Variants in VAV2 observed in about 807,000 individuals in gnomAD.
VAV2 encodes the protein vav guanine nucleotide exchange factor 2, also known as guanine nucleotide exchange factor VAV2.
In VAV2, 67 loss-of-function variants were observed where a neutral mutation model predicts 132.5. The observed-to-expected ratio is 0.51, with a 90% CI of 0.42 to 0.62. The LOEUF (loss-of-function observed/expected upper bound fraction) is 0.62. VAV2 is among the 20% of genes least tolerant of loss of function. The probability of loss-of-function intolerance (pLI) is 0.00; values close to 1 mark genes in which losing one functional copy is unlikely to be tolerated. For missense variants in VAV2, 938 were observed against 1,153.6 expected, an observed-to-expected ratio of 0.81 and a Z score of 2.71; for synonymous variants, 492 against 443.5, an observed-to-expected ratio of 1.11 and a Z score of -1.37.
In VAV2 at chr9:133,834,783, A is replaced by C. The variant is rs1170691275; in HGVS notation, c.381-443T>G. Among the ~76,000 whole-genome samples the C allele has an allele frequency of 6.6e-6, 1 of 152,222 alleles. No individual in the cohort carries two copies. The highest frequency in any genetic ancestry group is 1.5e-5 in the Non-Finnish European group (1 of 68,026). ...GCTCAGTCCACGCAGGAGAGGAAGC[A>C]GGAGGGGACTCCGGAAGGGAGGGGT... On this transcript the variant is annotated intron_variant, in intron 3 of 29. Coordinates refer to ENST00000371850, the MANE Select transcript of VAV2 (RefSeq NM_001134398.2). The surrounding 1 kb of genome is among the most constrained non-coding windows in gnomAD (Gnocchi z 5.9).
chr9:133,800,157 G>A (rs576010860), intron 9 of VAV2, among the ~76,000 whole-genome samples: 4 of 152,224 alleles, frequency 2.6e-5, no homozygotes, highest in Non-Finnish European at 5.9e-5. Context: ...TCCTAGGGCT[G>A]CACTGCTCTG....
intron 3 of VAV2, among the ~76,000 whole-genome samples, chr9:133,849,282 T>G (rs189288176): frequency 6.0e-4 from 91 of 152,288 alleles, no homozygotes; most frequent in Non-Finnish European, 8.7e-4. Context: ...CCCTCATCCC[T>G]GCTACCTGGA....
In VAV2 at chr9:133,768,732, G is replaced by T; in HGVS notation, c.2435-136C>A. 2 of 1,188,506 alleles carry T rather than the reference G, an allele frequency of 1.7e-6. No homozygotes were observed. Among genetic ancestry groups the T allele is most frequent in the Non-Finnish European group, 2.3e-6 (2 of 871,038 alleles). The allele number at this position is 1,188,506 out of a possible 1,614,324, so 73.6% of individuals were successfully genotyped here. On this transcript the variant is annotated intron_variant, in intron 28 of 29. Coordinates refer to ENST00000371850, the MANE Select transcript of VAV2 (RefSeq NM_001134398.2). The surrounding 1 kb of genome is among the most constrained non-coding windows in gnomAD (Gnocchi z 5.3). ...TGTACCCAGAGAGGAAGGATGTCAAGCAGAAAGGCTCTGGAGGGACACACT... is the reference window on the plus strand; with the variant it reads ...TGTACCCAGAGAGGAAGGATGTCAATCAGAAAGGCTCTGGAGGGACACACT...
chr9:133,896,188 C>T (rs1474810755), intron 2 of VAV2, among the ~76,000 whole-genome samples: 5 of 152,208 alleles, frequency 3.3e-5, no homozygotes, highest in East Asian at 1.9e-4. Flanking sequence ...GGCGCAGTGG[C>T]TTACGCCTAT....
At chr9:133,830,635 G>A (rs1372755808) in intron 4 of VAV2, among the ~76,000 whole-genome samples, 1 of 152,134 alleles carries the variant, frequency 6.6e-6, no homozygotes, top group Non-Finnish European at 1.5e-5. Flanking sequence ...TACAATTCAA[G>A]CAATCTTTAA....
intron 1 of VAV2, among the ~76,000 whole-genome samples, chr9:133,943,201 G>A (rs1841233659): frequency 6.6e-6 from 1 of 152,206 alleles, no homozygotes; most frequent in African/African-American, 2.4e-5. Flanking sequence ...GGCCTGGTTT[G>A]CAAGGTCTGT....
At chr9:133,785,286 C>T (rs958543514) in intron 17 of VAV2, among the ~76,000 whole-genome samples, 10 of 152,212 alleles carry the variant, frequency 6.6e-5, no homozygotes, top group South Asian at 2.1e-4. Context: ...GTCCGTGTTC[C>T]GGGAACCCGT....
Position 133,821,386 on chromosome 9 carries a change from G to A in VAV2, c.450-9170C>T, listed in dbSNP as rs539499964. 5.9e-5 allele frequency among the ~76,000 whole-genome samples: 9 copies of A among 152,298 alleles called. No individual in the cohort carries two copies. In the South Asian group the frequency reaches 1.9e-3, roughly 32 times the overall value. ...AGCGAGGGAAACTAGGGTTGTCTTTGTAGCCCTTCCTGTTTCTAGCTCTGT... is the reference window on the plus strand; with the variant it reads ...AGCGAGGGAAACTAGGGTTGTCTTTATAGCCCTTCCTGTTTCTAGCTCTGT... On this transcript the variant is annotated intron_variant, in intron 4 of 29. Transcript: ENST00000371850.
intron 2 of VAV2, among the ~76,000 whole-genome samples, chr9:133,875,900 T>C (rs1194259658): frequency 1.3e-5 from 2 of 152,178 alleles, no homozygotes; most frequent in Non-Finnish European, 2.9e-5. Context: ...AGCAGACGCC[T>C]CCCGTGCCCT....
Position 133,785,798 on chromosome 9 carries a change from T to A in VAV2, c.1510A>T (p.Met504Leu), listed in dbSNP as rs1218813414. Residue 504 changes from methionine to leucine, a missense_variant, in exon 17 of 30, where the codon ATG becomes TTG. Physicochemically the swap from Met to Leu is conservative, Grantham distance 15. Coordinates refer to ENST00000371850, the MANE Select transcript of VAV2 (RefSeq NM_001134398.2). ...CACATGGCCATCTCAAACTGCTCCATCCACTTCCTCTTCATATCTTCTGTT... is the reference window on the plus strand; with the variant it reads ...CACATGGCCATCTCAAACTGCTCCAACCACTTCCTCTTCATATCTTCTGTT... ...CKTEDMKRKWMEQFEMAMSNI... is the reference protein window; with the variant it reads ...CKTEDMKRKWLEQFEMAMSNI... 3.1e-6 allele frequency: 5 copies of A among 1,614,000 alleles called. No homozygotes were observed. The highest frequency in any genetic ancestry group is 4.2e-6 in the Non-Finnish European group (5 of 1,179,988).
At chr9:133,781,977 A>G (rs1834024515) in intron 19 of VAV2, among the ~76,000 whole-genome samples, 1 of 151,908 alleles carries the variant, frequency 6.6e-6, no homozygotes. Context: ...AAAGCAGGAC[A>G]GTGCTTGGGG....
chr9:133,898,283 C>A (rs1026204664), intron 2 of VAV2, among the ~76,000 whole-genome samples: 3 of 152,118 alleles, frequency 2.0e-5, no homozygotes, highest in Non-Finnish European at 4.4e-5. Flanking sequence ...CAACGCCAGA[C>A]CCTCAACAGA....
intron 19 of VAV2, among the ~76,000 whole-genome samples, chr9:133,782,014 G>A (rs1588166196): frequency 6.6e-6 from 1 of 151,128 alleles, no homozygotes; most frequent in East Asian, 2.0e-4. Flanking sequence ...TTTGCCTGGG[G>A]ATAGGAGGAG....
chr9:133,933,737 A>ATGG (rs1319664043), intron 2 of VAV2, among the ~76,000 whole-genome samples: 1 of 24,608 alleles, frequency 4.1e-5, no homozygotes. Flanking sequence ...ATGGTGGATG[A>ATGG]ATGGATGAGT....
chr9:133,958,182 C>T (rs1162867226), intron 1 of VAV2, among the ~76,000 whole-genome samples: 27 of 129,766 alleles, frequency 2.1e-4, no homozygotes, highest in East Asian at 4.5e-4. Flanking sequence ...TCCCCCAGCC[C>T]GACACCCGTA....
chr9:133,910,646 TAAAAA>T (rs377220826), intron 2 of VAV2, among the ~76,000 whole-genome samples: 1 of 138,586 alleles, frequency 7.2e-6, no homozygotes. Context: ...CCGACTCTAC[TAAAAA>T]AAAAAAAAAA....
intron 2 of VAV2, among the ~76,000 whole-genome samples, chr9:133,886,336 G>A (rs1383118179): frequency 1.3e-5 from 2 of 152,230 alleles, no homozygotes; most frequent in African/African-American, 2.4e-5. Flanking sequence ...AGGAGTCTCA[G>A]AGCCTACCGC....
At chr9:133,810,626 C>A (rs936509784) in intron 5 of VAV2, among the ~76,000 whole-genome samples, 1 of 152,216 alleles carries the variant, frequency 6.6e-6, no homozygotes, top group Non-Finnish European at 1.5e-5. Context: ...GCGGGACCAG[C>A]GCTGGGCATG....
chr9:133,987,469 G>A (rs1842891609), intron 1 of VAV2, among the ~76,000 whole-genome samples: 1 of 152,260 alleles, frequency 6.6e-6, no homozygotes, highest in South Asian at 2.1e-4. Context: ...AGCTCACGAT[G>A]GCACACATCA....
Sources: allele counts gnomAD v4.1 joint callset (sites outside exome capture counted in the v4.1 genomes callset), GRCh38; gene constraint gnomAD v4.1.1; non-coding constraint Gnocchi (gnomAD v3.1); transcripts MANE v1.5; gene names NCBI Gene and HGNC (gene_info 2026-07-23, HGNC 2026-07-21).